METAP1: variants seen among roughly 807,000 people sequenced by gnomAD.
METAP1 encodes methionyl aminopeptidase 1.
A neutral mutation model predicts 53.8 loss-of-function variants in METAP1; 28 were observed. That is an observed-to-expected ratio of 0.52 (90% CI 0.39 to 0.71). The LOEUF (loss-of-function observed/expected upper bound fraction) is 0.71, where lower values mean the gene tolerates loss of function less well. METAP1 is among the 30% of genes least tolerant of loss of function. The pLI, the probability that METAP1 is intolerant of heterozygous loss-of-function variation, is 0.00. For missense variants in METAP1, 389 were observed against 479.8 expected, an observed-to-expected ratio of 0.81 and a Z score of 1.77; for synonymous variants, 181 against 165.7, an observed-to-expected ratio of 1.09 and a Z score of -0.71.
chr4:99,004,448 C>A (rs1388104389), intron 1 of METAP1, among the ~76,000 whole-genome samples: 1 of 26,172 alleles, frequency 3.8e-5, no homozygotes, highest in African/African-American at 2.2e-4. Flanking sequence ...TGGACAGATA[C>A]ACACACACAC....
At chr4:99,014,585 C>G (rs538209593) in intron 1 of METAP1, among the ~76,000 whole-genome samples, 2 of 152,254 alleles carry the variant, frequency 1.3e-5, no homozygotes, top group Admixed American at 6.5e-5. Flanking sequence ...TCAGGAACCC[C>G]CCTTGCAACA....
chr4:99,051,211 AAG>A (rs1175030164), intron 9 of METAP1, among the ~76,000 whole-genome samples: 3 of 152,122 alleles, frequency 2.0e-5, no homozygotes, highest in Non-Finnish European at 1.5e-5. Flanking sequence ...GTGTGAGGGA[AAG>A]AGAGAGACTG....
intron 1 of METAP1, among the ~76,000 whole-genome samples, chr4:99,009,856 C>A (rs1234754764): frequency 6.6e-6 from 1 of 152,172 alleles, no homozygotes; most frequent in Non-Finnish European, 1.5e-5. Context: ...CTTTGATGAA[C>A]AAAAGTTTTT....
At chr4:99,034,129 A>G (rs1437014422) in intron 2 of METAP1, 101 bp from the exon 3 acceptor site, 1 of 718,502 alleles carries the variant, frequency 1.4e-6, no homozygotes, top group Non-Finnish European at 2.4e-6. Context: ...GTTTTAAACA[A>G]GAGATATTCA....
At chr4:99,031,218 G>A (rs996719533) in intron 2 of METAP1, among the ~76,000 whole-genome samples, 1 of 145,944 alleles carries the variant, frequency 6.9e-6, no homozygotes, top group Admixed American at 7.1e-5. Context: ...TTTATACTGT[G>A]TCTTCTGTCA....
At chr4:99,005,250 T>C (rs1278743977) in intron 1 of METAP1, among the ~76,000 whole-genome samples, 3 of 152,132 alleles carry the variant, frequency 2.0e-5, no homozygotes, top group East Asian at 3.9e-4. Context: ...AAAGGACTAA[T>C]ACCCAGAATC....
intron 5 of METAP1, among the ~76,000 whole-genome samples, chr4:99,040,679 G>T (rs576405407): frequency 7.2e-6 from 1 of 139,030 alleles, no homozygotes; most frequent in African/African-American, 2.7e-5. Context: ...TTTTTTTTAA[G>T]AGACAGGATC....
chr4:99,028,225 GT>G (rs1724717198), intron 1 of METAP1, among the ~76,000 whole-genome samples: 1 of 151,974 alleles, frequency 6.6e-6, no homozygotes. Flanking sequence ...CATTTTCCCA[GT>G]TTGCCACTTC....
intron 8 of METAP1, among the ~76,000 whole-genome samples, chr4:99,045,799 T>C (rs2110386180): frequency 6.6e-6 from 1 of 152,374 alleles, no homozygotes; most frequent in African/African-American, 2.4e-5. Flanking sequence ...TATGTGTATG[T>C]GTTAAATTAA....
intron 2 of METAP1, 30 bp from the exon 3 acceptor site, chr4:99,034,200 T>G: frequency 7.7e-7 from 1 of 1,302,706 alleles, no homozygotes; most frequent in Middle Eastern, 1.8e-4. Context: ...TTCTCCTCCT[T>G]CCTCTCATAT....
intron 1 of METAP1, chr4:99,023,075 C>G: frequency 7.6e-7 from 1 of 1,316,326 alleles, no homozygotes; most frequent in Non-Finnish European, 1.0e-6. Flanking sequence ...AGTGTCTGGT[C>G]TGTCCCTTCC....
intron 1 of METAP1, chr4:99,023,100 G>T (rs1295054908): frequency 1.7e-6 from 2 of 1,145,334 alleles, no homozygotes; most frequent in East Asian, 3.1e-5. Context: ...CCTTTGCTCT[G>T]TTGCGGCCTT....
Position 99,038,893 on chromosome 4 carries a change from T to C in METAP1, c.341-481T>C, listed in dbSNP as rs139588922. Among the ~76,000 whole-genome samples, 179 of 152,310 alleles carry C rather than the reference T, an allele frequency of 1.2e-3. 3 individuals carry two copies. The highest frequency in any genetic ancestry group is 4.2e-3 in the African/African-American group (174 of 41,582). ...TATTTTCTGTCCCATTTATTTACTT[T>C]TAAAAAATGTTAAGTGTAGCCTAAT... is the stretch of plus-strand genomic sequence containing the variant. On this transcript the variant is annotated intron_variant, in intron 4 of 10. Transcript: ENST00000296411.
chr4:99,036,917 G>A (rs1356543480), intron 4 of METAP1, among the ~76,000 whole-genome samples: 1 of 151,974 alleles, frequency 6.6e-6, no homozygotes, highest in African/African-American at 2.4e-5. Context: ...AAATTTCAGA[G>A]ATTTTTCCAG....
At chr4:99,038,138 TAAAC>T (rs1481903446) in intron 4 of METAP1, among the ~76,000 whole-genome samples, 6 of 152,030 alleles carry the variant, frequency 3.9e-5, no homozygotes, top group African/African-American at 1.2e-4. Context: ...AAATTTATCT[TAAAC>T]AATATGCCAA....
At chr4:99,013,594 G>A (rs987434083) in intron 1 of METAP1, among the ~76,000 whole-genome samples, 8 of 152,234 alleles carry the variant, frequency 5.3e-5, no homozygotes, top group South Asian at 2.1e-4. Context: ...ACATCCTGAT[G>A]CAATCCCCTA....
intron 1 of METAP1, among the ~76,000 whole-genome samples, chr4:98,999,534 C>G (rs1156899892): frequency 7.5e-6 from 1 of 133,906 alleles, no homozygotes; most frequent in Admixed American, 7.6e-5. Flanking sequence ...TTTTTGAGAC[C>G]GAGTCTTGCT....
intron 1 of METAP1, among the ~76,000 whole-genome samples, chr4:99,002,175 T>C (rs940465086): frequency 6.6e-6 from 1 of 152,202 alleles, no homozygotes; most frequent in South Asian, 2.1e-4. Context: ...GTGACAGACA[T>C]AAGTGCATAG....
At chr4:99,044,669 C>T (rs1361226970) in intron 7 of METAP1, among the ~76,000 whole-genome samples, 4 of 151,632 alleles carry the variant, frequency 2.6e-5, no homozygotes, top group Non-Finnish European at 5.9e-5. Flanking sequence ...TAATAGTAAT[C>T]TATATTCTTA....
Sources: gnomAD v4.1 joint callset for allele counts (sites outside exome capture counted in the v4.1 genomes callset) on GRCh38, gnomAD v4.1.1 for gene constraint, MANE v1.5 for transcripts, NCBI Gene and HGNC (gene_info 2026-07-23, HGNC 2026-07-21) for gene names.